Variants in ZNF664 observed in about 807,000 individuals in gnomAD.
The protein encoded by ZNF664 is zinc finger protein 664.
Under a neutral mutation model 18.2 loss-of-function variants are expected in ZNF664, and 10 were observed. The observed-to-expected ratio is 0.55, with a 90% CI of 0.34 to 0.93. The LOEUF (loss-of-function observed/expected upper bound fraction) is 0.93, where lower values mean the gene tolerates loss of function less well. Among genes scored for constraint, ZNF664 ranks in the 40% least tolerant of loss-of-function variants. The probability of loss-of-function intolerance (pLI) is 0.02; values close to 1 mark genes in which losing one functional copy is unlikely to be tolerated. For synonymous variants in ZNF664, 119 were observed against 104.2 expected, an observed-to-expected ratio of 1.14 and a Z score of -0.86; for missense variants, 193 against 319.0, an observed-to-expected ratio of 0.61 and a Z score of 3.01.
intron 2 of ZNF664, 29 bp downstream of exon 2, chr12:123,974,049 C>A (rs1219748840): frequency 2.0e-6 from 2 of 1,006,150 alleles, no homozygotes; most frequent in Non-Finnish European, 2.5e-6. Flanking sequence ...CTGTCCACTT[C>A]CCTCTGACTC....
chr12:123,992,159 C>G (rs12827409), intron 3 of ZNF664, among the ~76,000 whole-genome samples: 48,785 of 151,852 alleles, frequency 0.32, 8,009 homozygotes, highest in Middle Eastern at 0.37. Flanking sequence ...AGGAAGTATG[C>G]GGGGCAGTAA....
chr12:123,973,380 C>G (rs1329517011), intron 1 of ZNF664, 28 bp downstream of exon 1: 2 of 953,898 alleles, frequency 2.1e-6, no homozygotes, highest in Non-Finnish European at 2.5e-6. Context: ...GGGCTGCAGT[C>G]TTTCTTTCTT....
Position 124,011,420 on chromosome 12 carries a change from A to C in ZNF664, c.-621A>C. On this transcript the variant is annotated 5_prime_UTR_variant, in exon 4 of 5. Coordinates refer to ENST00000337815, the MANE Select transcript of ZNF664 (RefSeq NM_152437.3). ...GAGACACATCTTTGGAAGATAAGAG[A>C]GCTTCTTCAAGACCAAAAAAGGTTT... is the stretch of plus-strand genomic sequence containing the variant. 1 of 1,011,212 alleles carries C rather than the reference A, an allele frequency of 9.9e-7. No individual in the cohort carries two copies. Among genetic ancestry groups the C allele is most frequent in the South Asian group, 4.6e-5 (1 of 21,572 alleles). 62.6% of individuals were successfully genotyped at this position (1,011,212 alleles called of 1,614,324 possible). A position where few individuals can be genotyped will look rare whatever the true frequency, so the allele number is the denominator to read the frequency against.
chr12:124,007,134 C>T (rs1471791140), intron 3 of ZNF664, among the ~76,000 whole-genome samples: 2 of 152,158 alleles, frequency 1.3e-5, no homozygotes, highest in Admixed American at 1.3e-4. Flanking sequence ...TTTCTTTTAT[C>T]TTTCTTTTTC....
In ZNF664 at chr12:123,974,035, G is replaced by T; in HGVS notation, c.-757+15G>T. On this transcript the variant is annotated intron_variant, in intron 2 of 4. Transcript: ENST00000337815. The stretch of plus-strand genomic sequence containing the variant: ...TTCTCACCCAGGTAAACCGGCTGCC[G>T]GCGCTGTCCACTTCCCTCTGACTCC... The T allele has an allele frequency of 8.1e-7, 1 of 1,231,648 alleles. No homozygotes were observed. Among genetic ancestry groups the T allele is most frequent in the Non-Finnish European group, 1.0e-6 (1 of 987,896 alleles). The allele number at this position is 1,231,648 out of a possible 1,614,324, so 76.3% of individuals were successfully genotyped here. A position where few individuals can be genotyped will look rare whatever the true frequency, so the allele number is the denominator to read the frequency against.
chr12:123,974,472 C>T (rs975461384), intron 2 of ZNF664: 2 of 154,098 alleles, frequency 1.3e-5, no homozygotes, highest in Non-Finnish European at 2.9e-5. Flanking sequence ...CTATTTCCTT[C>T]ATAGACGCAT....
At chr12:124,003,795 G>A (rs893433070) in intron 3 of ZNF664, among the ~76,000 whole-genome samples, 2 of 152,192 alleles carry the variant, frequency 1.3e-5, no homozygotes, top group Middle Eastern at 3.2e-3. Context: ...AAAGGAGAAT[G>A]ATGAAGTAGC....
chr12:124,012,782 G>A lies in ZNF664; in HGVS notation c.638G>A (p.Ser213Asn). ...GCGKAFSQSS[S>N]LCIHQRVHTG... ...GGGAAGGCCTTCAGTCAGAGTTCGA[G>A]CCTGTGCATCCACCAGAGAGTCCAC... Residue 213 changes from serine to asparagine, a missense_variant, in exon 5 of 5, where the codon AGC becomes AAC. Ser to Asn is a conservative substitution (Grantham distance 46). Around this residue, in one of 3 missense-constraint regions of ZNF664, gnomAD observed 61 missense variants for 153.7 expected, o/e 0.40. Transcript: ENST00000337815. 1 of 1,612,572 alleles carries A rather than the reference G, an allele frequency of 6.2e-7. No individual in the cohort carries two copies. The highest frequency in any genetic ancestry group is 8.5e-7 in the Non-Finnish European group (1 of 1,179,214).
At chr12:123,977,743 C>T (rs1052657577) in intron 2 of ZNF664, among the ~76,000 whole-genome samples, 3 of 152,100 alleles carry the variant, frequency 2.0e-5, no homozygotes, top group Non-Finnish European at 4.4e-5. Flanking sequence ...TATTATAGAG[C>T]CACATTCATT....
intron 2 of ZNF664, among the ~76,000 whole-genome samples, chr12:123,978,015 T>C (rs1348521323): frequency 6.6e-6 from 1 of 152,214 alleles, no homozygotes; most frequent in East Asian, 1.9e-4. Flanking sequence ...ATCCCCACTT[T>C]GCAGGTGTTA....
chr12:123,990,070 T>G (rs1380446229), intron 3 of ZNF664, among the ~76,000 whole-genome samples: 1 of 152,192 alleles, frequency 6.6e-6, no homozygotes, highest in Non-Finnish European at 1.5e-5. Flanking sequence ...CTTGATGTAC[T>G]TAAGAATAGT....
intron 2 of ZNF664, among the ~76,000 whole-genome samples, chr12:123,977,029 G>C (rs1956701463): frequency 6.6e-6 from 1 of 152,108 alleles, no homozygotes; most frequent in African/African-American, 2.4e-5. Context: ...GCAGTGAGCG[G>C]AGATCATGCC....
intron 3 of ZNF664, among the ~76,000 whole-genome samples, chr12:123,998,159 G>A (rs561518552): frequency 9.2e-5 from 14 of 152,128 alleles, no homozygotes; most frequent in African/African-American, 3.4e-4. Flanking sequence ...TAATACCCCC[G>A]GGAGCCTTTC....
chr12:123,982,874 A>G (rs1269871857), intron 2 of ZNF664, among the ~76,000 whole-genome samples: 3 of 152,160 alleles, frequency 2.0e-5, no homozygotes, highest in African/African-American at 7.2e-5. Context: ...AGTTGTGTCT[A>G]CTGGGCATGG....
intron 3 of ZNF664, among the ~76,000 whole-genome samples, chr12:124,008,361 C>T (rs992066769): frequency 2.6e-5 from 4 of 152,170 alleles, no homozygotes; most frequent in Admixed American, 6.5e-5. Context: ...AGGAGGCACA[C>T]GTGTCTGGTT....
At chr12:123,975,328 A>G (rs1290956408) in intron 2 of ZNF664, among the ~76,000 whole-genome samples, 1 of 152,048 alleles carries the variant, frequency 6.6e-6, no homozygotes, top group East Asian at 1.9e-4. Context: ...GACTTTTTAA[A>G]TTAATTTTTA....
chr12:123,981,808 A>G (rs529398633), intron 2 of ZNF664, among the ~76,000 whole-genome samples: 2 of 152,256 alleles, frequency 1.3e-5, no homozygotes, highest in Non-Finnish European at 2.9e-5. Context: ...AAGAATGACT[A>G]GATACTATAC....
At chr12:123,981,387 A>G (rs193246284) in intron 2 of ZNF664, among the ~76,000 whole-genome samples, 52 of 152,328 alleles carry the variant, frequency 3.4e-4, no homozygotes, top group Admixed American at 3.3e-3. Flanking sequence ...GGGCAGAGCC[A>G]TTCATAGATT....
At position 124,012,095 on chromosome 12, in the gene ZNF664, G is replaced by A. The variant is rs887455648; in HGVS notation, c.-50G>A. The A allele has an allele frequency of 1.9e-6, 3 of 1,557,080 alleles. No individual in the cohort carries two copies. The highest frequency in any genetic ancestry group is 2.6e-6 in the Non-Finnish European group (3 of 1,159,936). ...ATGAAATAACAGTCTTGTAACTGTA[G>A]TAATCATAAGGAAATTTTCTCCTTG... On this transcript the variant is annotated 5_prime_UTR_variant, in exon 5 of 5. Coordinates refer to ENST00000337815, the MANE Select transcript of ZNF664 (RefSeq NM_152437.3).
Sources: allele counts gnomAD v4.1 joint callset (sites outside exome capture counted in the v4.1 genomes callset), GRCh38; gene constraint gnomAD v4.1.1; regional missense constraint gnomAD v4.1.1; transcripts MANE v1.5; gene names NCBI Gene and HGNC (gene_info 2026-07-23, HGNC 2026-07-21).